Variants in GSE1 observed in about 807,000 individuals in gnomAD.
GSE1 encodes genetic suppressor element 1.
GSE1 carries 32 observed loss-of-function variants against 112.6 expected under a neutral mutation model. That is an observed-to-expected ratio of 0.28 (90% CI 0.21 to 0.38). The LOEUF (loss-of-function observed/expected upper bound fraction) is 0.38. Ranked by LOEUF, GSE1 falls within the 10% of genes least tolerant of loss-of-function variation. The pLI is 1.00. For missense variants in GSE1, 2,348 were observed against 1,699.2 expected, an observed-to-expected ratio of 1.38 and a Z score of -6.71; for synonymous variants, 1,115 against 735.6, an observed-to-expected ratio of 1.52 and a Z score of -8.35.
intron 2 of GSE1, among the ~76,000 whole-genome samples, chr16:85,635,476 A>AGACT (rs1327764060): frequency 5.9e-5 from 9 of 151,892 alleles, no homozygotes; most frequent in South Asian, 2.1e-4. Flanking sequence ...AGGGGGAAGC[A>AGACT]GACTGCCTGC....
At chr16:85,382,998 C>T (rs2047591234) in intron 2 of GSE1, among the ~76,000 whole-genome samples, 1 of 151,300 alleles carries the variant, frequency 6.6e-6, no homozygotes, top group South Asian at 2.1e-4. Flanking sequence ...TGTGCACATA[C>T]AACACATGCA....
intron 1 of GSE1, among the ~76,000 whole-genome samples, chr16:85,596,021 C>T (rs1233888523): frequency 6.7e-6 from 1 of 149,486 alleles, no homozygotes; most frequent in African/African-American, 2.5e-5. Context: ...CCCATCTGCC[C>T]ACCCATCCAT....
Position 85,674,944 on chromosome 16 carries a change from A to C in GSE1, c.*2405A>C, listed in dbSNP as rs2053601209. 1 of 152,704 alleles carries C rather than the reference A, an allele frequency of 6.5e-6. No individual in the cohort carries two copies. The highest frequency in any genetic ancestry group is 1.5e-5 in the Non-Finnish European group (1 of 68,054). 9.5% of individuals were successfully genotyped at this position (152,704 alleles called of 1,614,324 possible). On this transcript the variant is annotated 3_prime_UTR_variant, in exon 16 of 16. Coordinates refer to ENST00000253458, the MANE Select transcript of GSE1 (RefSeq NM_014615.5). Reference sequence around the variant, plus strand: ...CAAGAAGTAATACGACAATCAGAATACAAACCAGTAAGGCAACACGAATAA... The same window carrying C: ...CAAGAAGTAATACGACAATCAGAATCCAAACCAGTAAGGCAACACGAATAA...
intron 14 of GSE1, among the ~76,000 whole-genome samples, chr16:85,669,981 G>A (rs923163039): frequency 6.6e-6 from 1 of 152,152 alleles, no homozygotes; most frequent in African/African-American, 2.4e-5. Context: ...TTTCCCCTAA[G>A]GATTTTAGGA....
In GSE1 at chr16:85,662,819, A is replaced by G. The variant is rs2052541502; in HGVS notation, c.2261-162A>G. On this transcript the variant is annotated intron_variant, in intron 9 of 15. Coordinates refer to ENST00000253458, the MANE Select transcript of GSE1 (RefSeq NM_014615.5). ...TCCTGCAAAGCCCCAGGACTGGGTT[A>G]ATGTTGGTTTCCACCTCGGTTGAAA... 3 of 604,118 alleles carry G rather than the reference A, an allele frequency of 5.0e-6. No individual in the cohort carries two copies. The East Asian group carries it at 8.4e-5, about 17-fold the overall frequency. The allele number at this position is 604,118 out of a possible 1,614,324, so 37.4% of individuals were successfully genotyped here.
chr16:85,366,198 C>T (rs1293254041), intron 2 of GSE1, among the ~76,000 whole-genome samples: 4 of 152,256 alleles, frequency 2.6e-5, no homozygotes, highest in East Asian at 1.9e-4. Context: ...GCTCCGCTGC[C>T]GAGTGCTTTG....
At chr16:85,211,642 G>A (rs1567613322) in intron 1 of GSE1, among the ~76,000 whole-genome samples, 1 of 152,190 alleles carries the variant, frequency 6.6e-6, no homozygotes, top group Non-Finnish European at 1.5e-5. Flanking sequence ...GGAGCTGTGT[G>A]GTTCCCATCT....
intron 1 of GSE1, among the ~76,000 whole-genome samples, chr16:85,332,378 T>C (rs948684489): frequency 1.3e-5 from 2 of 152,162 alleles, no homozygotes; most frequent in African/African-American, 4.8e-5. Flanking sequence ...CTGCAGGTGC[T>C]TTGTCCTTAA....
intron 2 of GSE1, among the ~76,000 whole-genome samples, chr16:85,433,731 A>AG (rs1327391562): frequency 2.0e-5 from 3 of 152,212 alleles, no homozygotes; most frequent in Non-Finnish European, 2.9e-5. Context: ...TGGTGGATGG[A>AG]GGGTCAGATG....
At chr16:85,282,031 CTTTTT>C (rs747822787) in intron 1 of GSE1, among the ~76,000 whole-genome samples, 1 of 142,794 alleles carries the variant, frequency 7.0e-6, no homozygotes, top group Non-Finnish European at 1.5e-5. Context: ...GTTTTCTTTT[CTTTTT>C]TTTTTTTTTG....
intron 2 of GSE1, among the ~76,000 whole-genome samples, chr16:85,643,168 C>G (rs900685378): frequency 3.3e-5 from 5 of 152,200 alleles, no homozygotes; most frequent in African/African-American, 4.8e-5. Context: ...TCTTCGAGGT[C>G]AGACAGCAGA....
chr16:85,474,733 T>C (rs1220459195), intron 2 of GSE1, among the ~76,000 whole-genome samples: 29 of 138,312 alleles, frequency 2.1e-4, no homozygotes, highest in African/African-American at 7.9e-4. Flanking sequence ...TCCCACCTTC[T>C]CCTCCCCAAC....
At chr16:85,249,764 T>G (rs184358367) in intron 1 of GSE1, among the ~76,000 whole-genome samples, 1 of 152,318 alleles carries the variant, frequency 6.6e-6, no homozygotes, top group Admixed American at 6.5e-5. Context: ...GAGTCGGGGC[T>G]GCCCCTCACA....
At chr16:85,437,723 C>T (rs1002390079) in intron 2 of GSE1, among the ~76,000 whole-genome samples, 1 of 152,184 alleles carries the variant, frequency 6.6e-6, no homozygotes, top group African/African-American at 2.4e-5. Flanking sequence ...CTCCTAGTTA[C>T]CTTCCTCCTG....
chr16:85,260,151 C>T (rs1907519443), intron 1 of GSE1, among the ~76,000 whole-genome samples: 1 of 152,142 alleles, frequency 6.6e-6, no homozygotes, highest in South Asian at 2.1e-4. Context: ...TCTTTGGTGG[C>T]GCTTCCAGAC....
At chr16:85,318,933 G>A (rs185953796) in intron 1 of GSE1, among the ~76,000 whole-genome samples, 28 of 152,356 alleles carry the variant, frequency 1.8e-4, no homozygotes, top group African/African-American at 6.5e-4. Context: ...ATGAGGCAGT[G>A]TTTAAGGCGG....
intron 10 of GSE1, 63 bp downstream of exon 10, chr16:85,663,156 C>G (rs780562952): frequency 6.2e-6 from 8 of 1,283,668 alleles, no homozygotes; most frequent in Non-Finnish European, 9.0e-6. Flanking sequence ...GCGTCCACAC[C>G]CTGCAGTCCA....
chr16:85,383,964 T>G (rs2047626391), intron 2 of GSE1, among the ~76,000 whole-genome samples: 1 of 152,194 alleles, frequency 6.6e-6, no homozygotes, highest in Non-Finnish European at 1.5e-5. Flanking sequence ...CACAGGGGCT[T>G]GGCCGCCACC....
At chr16:85,662,742 G>T (rs544617475) in intron 9 of GSE1, 2 of 523,934 alleles carry the variant, frequency 3.8e-6, no homozygotes, top group South Asian at 2.5e-5. Flanking sequence ...CAGCCCAGGG[G>T]ACCACCCAGC....
Sources: gnomAD v4.1 joint callset for allele counts (sites outside exome capture counted in the v4.1 genomes callset) on GRCh38, gnomAD v4.1.1 for gene constraint, MANE v1.5 for transcripts, NCBI Gene and HGNC (gene_info 2026-07-23, HGNC 2026-07-21) for gene names.